CACNA2D4: variants seen among roughly 807,000 people sequenced by gnomAD.
The protein encoded by CACNA2D4 is voltage-dependent calcium channel subunit alpha-2/delta-4.
CACNA2D4 carries 157 observed loss-of-function variants against 163.8 expected under a neutral mutation model. That is an observed-to-expected ratio of 0.96 (90% confidence interval 0.84 to 1.09). The LOEUF (loss-of-function observed/expected upper bound fraction) is 1.09, where lower values mean the gene tolerates loss of function less well. Among genes scored for constraint, CACNA2D4 ranks in the 50% least tolerant of loss-of-function variants. CACNA2D4 has a pLI of 0.00. For missense variants in CACNA2D4, 1,410 were observed against 1,479.9 expected, an observed-to-expected ratio of 0.95 and a Z score of 0.78; for synonymous variants, 598 against 586.9, an observed-to-expected ratio of 1.02 and a Z score of -0.27.
chr12:1,886,180 T>C (rs374205211), intron 8 of CACNA2D4, 43 bp downstream of exon 8: 50 of 1,603,974 alleles, frequency 3.1e-5, no homozygotes, highest in Non-Finnish European at 4.3e-5. Context: ...GTATGATTTC[T>C]AGAGCAAGTG....
At chr12:1,882,226 G>A (rs1416819504) in intron 13 of CACNA2D4, among the ~76,000 whole-genome samples, 2 of 152,196 alleles carry the variant, frequency 1.3e-5, no homozygotes, top group Non-Finnish European at 2.9e-5. Context: ...GGTCAGCTCT[G>A]GGCTTTGTTT....
intron 9 of CACNA2D4, 52 bp from the exon 10 acceptor site, chr12:1,885,128 G>T: frequency 6.9e-7 from 1 of 1,455,464 alleles, no homozygotes; most frequent in Non-Finnish European, 9.7e-7. Flanking sequence ...TGGGCCAGTG[G>T]AGCTTCATGT....
At chr12:1,830,333 C>T (rs1864565359) in intron 26 of CACNA2D4, among the ~76,000 whole-genome samples, 1 of 152,214 alleles carries the variant, frequency 6.6e-6, no homozygotes, top group Non-Finnish European at 1.5e-5. Flanking sequence ...TTGATGGAAA[C>T]ATAACAGCAC....
Position 1,825,682 on chromosome 12 carries a change from C to T in CACNA2D4, c.2552-13959G>A, listed in dbSNP as rs117875524. On this transcript the variant is annotated intron_variant, in intron 26 of 37. Transcript: ENST00000382722. Reference sequence around the variant, plus strand: ...TCTCTGTGGGTGTGTGTTTGCATCACGTGCTGTGTACAGAGCTCCAAGCAC... The same window carrying T: ...TCTCTGTGGGTGTGTGTTTGCATCATGTGCTGTGTACAGAGCTCCAAGCAC... Among the ~76,000 whole-genome samples, 40 of 152,302 alleles carry T rather than the reference C, an allele frequency of 2.6e-4. 1 individual carries two copies. In the East Asian group the frequency reaches 6.9e-3, roughly 26 times the overall value.
intron 13 of CACNA2D4, among the ~76,000 whole-genome samples, chr12:1,880,769 GA>G (rs1865976874): frequency 6.6e-6 from 1 of 152,246 alleles, no homozygotes; most frequent in South Asian, 2.1e-4. Context: ...GGCTTTCTGA[GA>G]GTGAACCACG....
rs756777092 is a variant in CACNA2D4, at chr12:1,831,338, T to A, written c.2551+9401A>T. The A allele has an allele frequency of 9.9e-6, 16 of 1,613,866 alleles. No homozygotes were observed. The Middle Eastern group carries it at 6.6e-4, about 67-fold the overall frequency. ...TCAACGGCCTGGCCCAGTTGCCCCC[T>A]GGTCTTTTCGACGGGCTCCTGGCTC... On this transcript the variant is annotated intron_variant, in intron 26 of 37. Coordinates refer to ENST00000382722, the MANE Select transcript of CACNA2D4 (RefSeq NM_172364.5).
intron 34 of CACNA2D4, 166 bp from the exon 35 acceptor site, chr12:1,797,701 A>C: frequency 3.6e-6 from 2 of 549,972 alleles, no homozygotes; most frequent in Non-Finnish European, 6.7e-6. Context: ...GGGTGAGGGG[A>C]GGGAAGACAC....
chr12:1,845,179 C>G (rs1214242119), intron 24 of CACNA2D4, among the ~76,000 whole-genome samples: 2 of 152,138 alleles, frequency 1.3e-5, no homozygotes, highest in African/African-American at 2.4e-5. Context: ...CCAGAAGCAA[C>G]CTGCCTTGTG....
At chr12:1,886,711 A>G (rs1029579084) in intron 7 of CACNA2D4, among the ~76,000 whole-genome samples, 4 of 152,180 alleles carry the variant, frequency 2.6e-5, no homozygotes, top group Admixed American at 1.3e-4. Flanking sequence ...ACTTGCCACA[A>G]AAGGGGTGTG....
At chr12:1,818,834 C>T (rs1161102991) in intron 26 of CACNA2D4, among the ~76,000 whole-genome samples, 5 of 143,622 alleles carry the variant, frequency 3.5e-5, no homozygotes, top group Admixed American at 6.9e-5. Context: ...CTCAAGTACC[C>T]AGGGACACAA....
chr12:1,815,791 G>C (rs1592666745), intron 26 of CACNA2D4, among the ~76,000 whole-genome samples: 1 of 152,324 alleles, frequency 6.6e-6, no homozygotes, highest in South Asian at 2.1e-4. Flanking sequence ...CTGAACTTGA[G>C]ATCCTGGAGG....
At chr12:1,907,675 G>A in intron 5 of CACNA2D4, 104 bp from the exon 6 acceptor site, 1 of 1,230,102 alleles carries the variant, frequency 8.1e-7, no homozygotes. Flanking sequence ...GGCGTGTCTG[G>A]TAAGCGTGCC....
intron 6 of CACNA2D4, 117 bp downstream of exon 6, chr12:1,907,323 A>G: frequency 1.1e-6 from 1 of 912,010 alleles, no homozygotes; most frequent in Admixed American, 2.5e-5. Context: ...ATGCTTTGGG[A>G]TAGGAGGACC....
At position 1,879,885 on chromosome 12, in the gene CACNA2D4, T is replaced by C; in HGVS notation, c.1486-4A>G. The C allele has an allele frequency of 6.3e-7, 1 of 1,591,122 alleles. No individual in the cohort carries two copies. Among genetic ancestry groups the C allele is most frequent in the Non-Finnish European group, 8.6e-7 (1 of 1,168,612 alleles). On this transcript the variant is annotated splice_region_variant and splice_polypyrimidine_tract_variant and intron_variant, in intron 13 of 37. Transcript: ENST00000382722. Reference sequence around the variant, plus strand: ...TCTGAGCCTGCGAGCTGAGGAGCTGTAAGGGAGGGGAGAACAGGGGTCAGA... The same window carrying C: ...TCTGAGCCTGCGAGCTGAGGAGCTGCAAGGGAGGGGAGAACAGGGGTCAGA...
Position 1,861,302 on chromosome 12 carries a change from C to G in CACNA2D4, c.1879-1096G>C, listed in dbSNP as rs140248967. On this transcript the variant is annotated intron_variant, in intron 18 of 37. Transcript: ENST00000382722. ...TGGTCATGCCCTCTGGCTCCTCTGC[C>G]CAGTCAGACCCTCTCTGTAGCTTCT... Among the ~76,000 whole-genome samples the G allele has an allele frequency of 3.3e-3, 510 of 152,292 alleles. 3 individuals are homozygous for G. The highest frequency in any genetic ancestry group is 0.011 in the African/African-American group (461 of 41,552).
chr12:1,914,299 G>A (rs1022206330), intron 2 of CACNA2D4, among the ~76,000 whole-genome samples: 3 of 152,234 alleles, frequency 2.0e-5, no homozygotes, highest in Non-Finnish European at 2.9e-5. Flanking sequence ...AAATATTAGA[G>A]AACAGTGAAG....
At position 1,802,229 on chromosome 12, in the gene CACNA2D4, C is replaced by T. The variant is rs894481178; in HGVS notation, c.2722-585G>A. 6.6e-6 allele frequency among the ~76,000 whole-genome samples: 1 copy of T among 152,088 alleles called. No homozygotes were observed. Among genetic ancestry groups the T allele is most frequent in the Non-Finnish European group, 1.5e-5 (1 of 68,010 alleles). ...CTGTGGATCGGTCATTTGTCCCCTC[C>T]ATGACAATGACCTAACCGGATCCCT... On this transcript the variant is annotated intron_variant, in intron 29 of 37. Coordinates refer to ENST00000382722, the MANE Select transcript of CACNA2D4 (RefSeq NM_172364.5). This position sits in a 1 kb window ranked among gnomAD's most constrained non-coding sequence, Gnocchi z 4.7.
At chr12:1,859,434 G>A (rs1369225304) in intron 19 of CACNA2D4, among the ~76,000 whole-genome samples, 1 of 152,182 alleles carries the variant, frequency 6.6e-6, no homozygotes, top group African/African-American at 2.4e-5. Context: ...GAGCAGTCAG[G>A]GCTGGGAACC....
chr12:1,826,400 G>GCCCCCCCCCCCCCCCCCCCCC (rs150016230), intron 26 of CACNA2D4, among the ~76,000 whole-genome samples: 1 of 57,144 alleles, frequency 1.7e-5, no homozygotes, highest in African/African-American at 4.7e-5. Flanking sequence ...TGAACCCAGA[G>GCCCCCCCCCCCCCCCCCCCCC]CCCCCCCCCC....
Sources: allele counts gnomAD v4.1 joint callset (sites outside exome capture counted in the v4.1 genomes callset), GRCh38; gene constraint gnomAD v4.1.1; non-coding constraint Gnocchi (gnomAD v3.1); transcripts MANE v1.5; gene names NCBI Gene and HGNC (gene_info 2026-07-23, HGNC 2026-07-21).